Variants in OSBP2 observed in about 807,000 individuals in gnomAD.
OSBP2 encodes oxysterol binding protein 2.
In OSBP2, 66 loss-of-function variants were observed where a neutral mutation model predicts 96.0. The ratio of observed to expected loss-of-function variants is 0.69; its 90% CI spans 0.56 to 0.84. The LOEUF is 0.84. Ranked by LOEUF, OSBP2 falls within the 40% of genes least tolerant of loss-of-function variation. OSBP2 has a pLI of 0.00. For missense variants in OSBP2, 1,038 were observed against 1,222.7 expected (o/e 0.85, Z 2.25); for synonymous variants, 525 against 520.9 (o/e 1.01, Z -0.11).
chr22:30,799,012 T>C (rs1158993338), intron 2 of OSBP2, among the ~76,000 whole-genome samples: 1 of 122,626 alleles, frequency 8.2e-6, no homozygotes, highest in African/African-American at 2.9e-5. Context: ...AGACTCTGTC[T>C]CAAAAAAAAA....
At chr22:30,779,022 G>C (rs5753309) in intron 2 of OSBP2, among the ~76,000 whole-genome samples, 1 of 149,974 alleles carries the variant, frequency 6.7e-6, no homozygotes, top group Admixed American at 6.6e-5. Flanking sequence ...GGCAACAGAA[G>C]GAGACTCCAT....
intron 8 of OSBP2, among the ~76,000 whole-genome samples, chr22:30,892,230 T>C (rs2039966007): frequency 6.6e-6 from 1 of 151,778 alleles, no homozygotes; most frequent in Non-Finnish European, 1.5e-5. Context: ...GAGCGTTTGG[T>C]GTGAGCAGCT....
At chr22:30,762,139 T>C (rs1369996220) in intron 2 of OSBP2, among the ~76,000 whole-genome samples, 1 of 151,986 alleles carries the variant, frequency 6.6e-6, no homozygotes, top group African/African-American at 2.4e-5. Flanking sequence ...AGAGAATCAT[T>C]TGAACCTGGG....
upstream of OSBP2, chr22:30,694,294 G>T (rs746385997): frequency 9.0e-6 from 14 of 1,549,222 alleles, no homozygotes; most frequent in Non-Finnish European, 1.2e-5. Flanking sequence ...GCGGTGAGGC[G>T]GCCACTTGGG....
At chr22:30,724,669 A>G (rs1416028734) in intron 1 of OSBP2, among the ~76,000 whole-genome samples, 2 of 152,246 alleles carry the variant, frequency 1.3e-5, no homozygotes, top group African/African-American at 2.4e-5. Context: ...TAAAGCTGCT[A>G]TAAACACCCG....
chr22:30,718,629 C>T (rs1466234251), intron 1 of OSBP2, among the ~76,000 whole-genome samples: 1 of 152,208 alleles, frequency 6.6e-6, no homozygotes, highest in African/African-American at 2.4e-5. Flanking sequence ...TTTAGCTGGG[C>T]CTCAGGTGTT....
chr22:30,716,757 C>G (rs982899635), intron 1 of OSBP2, among the ~76,000 whole-genome samples: 4 of 152,066 alleles, frequency 2.6e-5, no homozygotes, highest in African/African-American at 4.8e-5. Flanking sequence ...ATTTTTTAAT[C>G]ATTTATTTGA....
intron 2 of OSBP2, among the ~76,000 whole-genome samples, chr22:30,746,747 C>T (rs957143081): frequency 7.9e-5 from 12 of 152,058 alleles, no homozygotes; most frequent in Admixed American, 1.3e-4. Flanking sequence ...CTGCCTTGGC[C>T]TCCCAAAGTG....
intron 2 of OSBP2, among the ~76,000 whole-genome samples, chr22:30,778,088 G>C (rs1357324218): frequency 6.6e-6 from 1 of 151,126 alleles, no homozygotes; most frequent in East Asian, 1.9e-4. Flanking sequence ...TCTGCCTCCC[G>C]GGTTCAAGAG....
intron 2 of OSBP2, among the ~76,000 whole-genome samples, chr22:30,856,353 C>A (rs1236736916): frequency 6.8e-6 from 1 of 146,280 alleles, no homozygotes; most frequent in African/African-American, 2.5e-5. Context: ...TGAGACTTGG[C>A]AGTTGGAAAC....
rs1189351536 is a variant in OSBP2 at position 30,893,982 on chromosome 22, T to C, written c.2356T>C (p.Trp786Arg). The change falls in exon 12 of 14, where the codon TGG becomes CGG. Residue 786 changes from tryptophan to arginine, a missense_variant. This residue lies in a region of OSBP2 where 737 missense variants were observed against 913.3 expected (regional missense o/e 0.81). Coordinates refer to ENST00000332585, the MANE Select transcript of OSBP2 (RefSeq NM_030758.4). ...CCAGACCCTGTCAGCCAAGCTGCTG[T>C]GGAAGAAGTACCCGCTGCCGTGAGT... The part of the protein sequence containing the change: ...VYQTLSAKLL[W>R]KKYPLPENAE... The C allele has an allele frequency of 6.3e-7, 1 of 1,597,594 alleles. No individual in the cohort carries two copies. The highest frequency in any genetic ancestry group is 8.5e-7 in the Non-Finnish European group (1 of 1,172,698).
At chr22:30,783,557 A>G (rs2090548879) in intron 2 of OSBP2, among the ~76,000 whole-genome samples, 1 of 151,918 alleles carries the variant, frequency 6.6e-6, no homozygotes, top group South Asian at 2.1e-4. Context: ...CCTGATCTCA[A>G]GTGATCCACC....
In OSBP2 at chr22:30,893,209, T is replaced by C; in HGVS notation, c.1957T>C (p.Phe653Leu). The change falls in exon 9 of 14, where the codon TTC becomes CTC. Residue 653 changes from phenylalanine to leucine, a missense_variant. Transcript: ENST00000332585. ...LWQEITISSKFRGKYISIMPL... is the reference protein window; with the variant it reads ...LWQEITISSKLRGKYISIMPL... ...GCAGGAGATCACCATCTCCAGCAAG[T>C]TCCGGGGAAAATACATCTCCATCAT... is the stretch of plus-strand genomic sequence containing the variant. The C allele has an allele frequency of 6.2e-7, 1 of 1,614,046 alleles. No individual in the cohort carries two copies. Among genetic ancestry groups the C allele is most frequent in the Non-Finnish European group, 8.5e-7 (1 of 1,179,974 alleles).
rs370164282 is a variant in OSBP2, at chr22:30,906,255, C to G, written c.2667C>G (p.Thr889=). Residue 889 remains threonine, a synonymous_variant, in exon 14 of 14, where the codon ACC becomes ACG. Coordinates refer to ENST00000332585, the MANE Select transcript of OSBP2 (RefSeq NM_030758.4). ...TTGAGAAGAGGCTGGATCCGCTGAC[C>G]GGGGAGATGGCCTGTGTGTACAAGG... ...LWFEKRLDPL[T]GEMACVYKGG... The G allele has an allele frequency of 3.1e-6, 5 of 1,614,154 alleles. No homozygotes were observed. In the South Asian group the frequency reaches 3.3e-5, roughly 11 times the overall value.
At chr22:30,814,336 G>T (rs1309030003) in intron 2 of OSBP2, among the ~76,000 whole-genome samples, 1 of 151,426 alleles carries the variant, frequency 6.6e-6, no homozygotes, top group Non-Finnish European at 1.5e-5. Context: ...GTCCTCACAT[G>T]GTCCTTCCTT....
intron 8 of OSBP2, 81 bp downstream of exon 8, chr22:30,891,054 G>A (rs2039937719): frequency 5.3e-6 from 8 of 1,509,558 alleles, no homozygotes; most frequent in Non-Finnish European, 7.2e-6. Flanking sequence ...GGTGACAAAT[G>A]GGAGGCAGCG....
At position 30,881,717 on chromosome 22, in the gene OSBP2, G is replaced by A; in HGVS notation, c.1108-5709G>A. 1 of 1,304,126 alleles carries A rather than the reference G, an allele frequency of 7.7e-7. No homozygotes were observed. The highest frequency in any genetic ancestry group is 1.0e-6 in the Non-Finnish European group (1 of 988,916). 80.8% of individuals were successfully genotyped at this position (1,304,126 alleles called of 1,614,324 possible). ...AACAGCAGGGCCACGCCAGGCGCCTGCCTCTCCCCACAGCACAGCCAGGAT... is the reference window on the plus strand; with the variant it reads ...AACAGCAGGGCCACGCCAGGCGCCTACCTCTCCCCACAGCACAGCCAGGAT... On this transcript the variant is annotated intron_variant, in intron 3 of 13. Transcript: ENST00000332585. The surrounding 1 kb of genome is among the most constrained non-coding windows in gnomAD (Gnocchi z 4.5).
At chr22:30,786,281 C>T (rs2090589554) in intron 2 of OSBP2, among the ~76,000 whole-genome samples, 1 of 152,124 alleles carries the variant, frequency 6.6e-6, no homozygotes, top group South Asian at 2.1e-4. Context: ...CCTCAGCCTC[C>T]CAAAGTGCTG....
At chr22:30,791,315 A>ATTC (rs1163845337) in intron 2 of OSBP2, among the ~76,000 whole-genome samples, 7 of 92,306 alleles carry the variant, frequency 7.6e-5, no homozygotes, top group Non-Finnish European at 8.7e-5. Flanking sequence ...ATATTGGGGG[A>ATTC]TTCTTCTTTT....
Sources: gnomAD v4.1 joint callset for allele counts (sites outside exome capture counted in the v4.1 genomes callset) on GRCh38, gnomAD v4.1.1 for gene constraint, gnomAD v4.1.1 regional missense constraint, Gnocchi (gnomAD v3.1) non-coding constraint, MANE v1.5 for transcripts, NCBI Gene and HGNC (gene_info 2026-07-23, HGNC 2026-07-21) for gene names.